Variants in RPSA2 observed in about 807,000 individuals in gnomAD.
RPSA2 encodes ribosomal protein SA 2.
At chr19:23,774,772 A>T in the RPSA2 span, among the ~76,000 whole-genome samples, 2 of 152,168 alleles carry the variant, frequency 1.3e-5, no homozygotes, top group Admixed American at 6.5e-5. Flanking sequence ...CACCCATGTG[A>T]TATGACTCTA....
the RPSA2 span, among the ~76,000 whole-genome samples, chr19:23,773,997 C>CTG: frequency 3.2e-3 from 1 of 312 alleles, no homozygotes; most frequent in Non-Finnish European, 0.042. Flanking sequence ...AGTGATCTGA[C>CTG]TCTTGCCTAA....
At chr19:23,866,445 A>G in the RPSA2 span, among the ~76,000 whole-genome samples, 3 of 152,292 alleles carry the variant, frequency 2.0e-5, no homozygotes, top group Admixed American at 1.3e-4. Context: ...ATAATTATGG[A>G]AAAACTGGAC....
the RPSA2 span, chr19:23,843,058 A>T: frequency 8.5e-5 from 13 of 152,978 alleles, no homozygotes; most frequent in Non-Finnish European, 1.5e-4. Flanking sequence ...GTCAGAAAAC[A>T]GTATTTTGGA....
chr19:23,796,989 G>A, the RPSA2 span, among the ~76,000 whole-genome samples: 1 of 151,618 alleles, frequency 6.6e-6, no homozygotes, highest in East Asian at 1.9e-4. Context: ...ATGATGTCAG[G>A]TTGTCAAATG....
the RPSA2 span, among the ~76,000 whole-genome samples, chr19:23,865,106 C>T: frequency 3.9e-5 from 6 of 152,200 alleles, no homozygotes; most frequent in Non-Finnish European, 2.9e-5. Flanking sequence ...GGAAGATCTG[C>T]TGGAGCACAG....
the RPSA2 span, among the ~76,000 whole-genome samples, chr19:23,766,514 C>T: frequency 4.8e-5 from 7 of 144,498 alleles, no homozygotes; most frequent in African/African-American, 1.3e-4. Context: ...GGCAGTGGCG[C>T]GATCTCCCCG....
the RPSA2 span, among the ~76,000 whole-genome samples, chr19:23,861,157 C>T: frequency 2.0e-5 from 3 of 152,200 alleles, no homozygotes; most frequent in Non-Finnish European, 4.4e-5. Flanking sequence ...CACTTCGGAT[C>T]ACCCCAGTGC....
chr19:23,802,839 T>C, the RPSA2 span, among the ~76,000 whole-genome samples: 1 of 151,524 alleles, frequency 6.6e-6, no homozygotes, highest in Non-Finnish European at 1.5e-5. Flanking sequence ...TAAATAGACA[T>C]GTGCAAAAAT....
the RPSA2 span, among the ~76,000 whole-genome samples, chr19:23,862,401 C>G: frequency 7.9e-5 from 12 of 151,538 alleles, no homozygotes; most frequent in African/African-American, 2.7e-4. Context: ...CTGGCCAGAA[C>G]TTCCAACACT....
At chr19:23,792,508 AAC>A in the RPSA2 span, among the ~76,000 whole-genome samples, 1 of 152,174 alleles carries the variant, frequency 6.6e-6, no homozygotes, top group Admixed American at 6.5e-5. Flanking sequence ...TTAAAAATAA[AAC>A]AGATGTATAT....
At chr19:23,780,944 G>A in the RPSA2 span, among the ~76,000 whole-genome samples, 2 of 152,156 alleles carry the variant, frequency 1.3e-5, no homozygotes, top group African/African-American at 4.8e-5. Flanking sequence ...TTGGAAAATT[G>A]ACTCTCATTT....
chr19:23,772,588 A>G, the RPSA2 span, among the ~76,000 whole-genome samples: 13 of 152,130 alleles, frequency 8.5e-5, no homozygotes, highest in Admixed American at 8.5e-4. Context: ...ACCCTCCCAC[A>G]TATCATATAA....
the RPSA2 span, chr19:23,827,596 T>G: frequency 6.3e-7 from 1 of 1,589,688 alleles, no homozygotes; most frequent in Non-Finnish European, 8.5e-7. Context: ...TACCTACCAT[T>G]GCGCTGTGTA....
the RPSA2 span, among the ~76,000 whole-genome samples, chr19:23,840,266 A>T: frequency 6.6e-6 from 1 of 152,146 alleles, no homozygotes; most frequent in Non-Finnish European, 1.5e-5. Context: ...CAGTGAAATG[A>T]CCTCATTAAA....
chr19:23,833,053 T>G, the RPSA2 span: 1 of 1,348,444 alleles, frequency 7.4e-7, no homozygotes, highest in Non-Finnish European at 9.7e-7. Flanking sequence ...AAAGAAACCC[T>G]ACAAGTGTGA....
chr19:23,775,134 C>T, the RPSA2 span, among the ~76,000 whole-genome samples: 4 of 152,146 alleles, frequency 2.6e-5, no homozygotes, highest in African/African-American at 7.2e-5. Context: ...CCGGGTGGTA[C>T]AGAGAGTGTC....
At chr19:23,859,690 C>A in the RPSA2 span, among the ~76,000 whole-genome samples, 1 of 152,082 alleles carries the variant, frequency 6.6e-6, no homozygotes, top group East Asian at 1.9e-4. Context: ...AATTATTTAA[C>A]TTTTTACTGA....
At chr19:23,828,061 A>C in the RPSA2 span, 1 of 613,178 alleles carries the variant, frequency 1.6e-6, no homozygotes, top group Non-Finnish European at 2.9e-6. Flanking sequence ...CTGTTCTTGC[A>C]TAGGCTCTTA....
At chr19:23,811,006 CTTT>C in the RPSA2 span, among the ~76,000 whole-genome samples, 2 of 130,456 alleles carry the variant, frequency 1.5e-5, no homozygotes, top group Non-Finnish European at 1.6e-5. Flanking sequence ...CTTAAAGGCA[CTTT>C]TTTTTTTTTT....
Sources: gnomAD v4.1 joint callset for allele counts (sites outside exome capture counted in the v4.1 genomes callset) on GRCh38, gnomAD v4.1.1 for gene constraint, MANE v1.5 for transcripts, NCBI Gene and HGNC (gene_info 2026-07-23, HGNC 2026-07-21) for gene names.